Variants in VPS37A observed in about 807,000 individuals in gnomAD.
VPS37A encodes the protein vacuolar protein sorting-associated protein 37A.
In VPS37A, 30 loss-of-function variants were observed where a neutral mutation model predicts 49.8. The observed-to-expected ratio is 0.60, with a 90% CI of 0.45 to 0.82. The LOEUF (loss-of-function observed/expected upper bound fraction) is 0.82, where lower values mean the gene tolerates loss of function less well. Among genes scored for constraint, VPS37A ranks in the 40% least tolerant of loss-of-function variants. The pLI, the probability that VPS37A is intolerant of heterozygous loss-of-function variation, is 0.00. For missense variants in VPS37A, 593 were observed against 464.4 expected, an observed-to-expected ratio of 1.28 and a Z score of -2.55; for synonymous variants, 195 against 160.6, an observed-to-expected ratio of 1.21 and a Z score of -1.62.
chr8:17,257,363 A>T (rs1468265470), intron 1 of VPS37A, among the ~76,000 whole-genome samples: 6 of 152,156 alleles, frequency 3.9e-5, no homozygotes, highest in African/African-American at 4.8e-5. Context: ...GATGCCTCCA[A>T]CCTTGTTCTT....
chr8:17,279,949 C>A, intron 6 of VPS37A, 79 bp from the exon 7 acceptor site: 1 of 1,586,808 alleles, frequency 6.3e-7, no homozygotes. Context: ...TTAACTAAAG[C>A]TGAAAAATTG....
chr8:17,306,963 C>G (rs995782731), downstream of VPS37A, among the ~76,000 whole-genome samples: 1 of 152,144 alleles, frequency 6.6e-6, no homozygotes, highest in Non-Finnish European at 1.5e-5. Context: ...CAATACCATT[C>G]AGGACATAGG....
the VPS37A span, among the ~76,000 whole-genome samples, chr8:17,313,817 T>G: frequency 1.3e-5 from 2 of 152,220 alleles, no homozygotes. Flanking sequence ...CTTAGAAGTT[T>G]CTGTCACCCA....
intron 1 of VPS37A, chr8:17,265,705 T>G: frequency 1.4e-6 from 2 of 1,415,572 alleles, no homozygotes; most frequent in Non-Finnish European, 9.6e-7. Flanking sequence ...CCTGGATAGT[T>G]TAGAATGTTA....
intron 11 of VPS37A, among the ~76,000 whole-genome samples, chr8:17,289,569 T>C (rs1815945939): frequency 6.6e-6 from 1 of 152,198 alleles, no homozygotes; most frequent in Admixed American, 6.5e-5. Context: ...ATGTCTGTTT[T>C]GGTACCAGTA....
At chr8:17,294,193 T>C (rs1480584689) in intron 11 of VPS37A, among the ~76,000 whole-genome samples, 1 of 152,180 alleles carries the variant, frequency 6.6e-6, no homozygotes, top group Non-Finnish European at 1.5e-5. Context: ...TACAGTGGCT[T>C]TGTGGAGCTG....
At chr8:17,302,018 G>T, downstream of VPS37A, 1 of 1,120,296 alleles carries the variant, frequency 8.9e-7, no homozygotes, top group East Asian at 2.4e-5. Flanking sequence ...GACCTGGATG[G>T]GGTTGTGTTT....
intron 1 of VPS37A, among the ~76,000 whole-genome samples, chr8:17,264,435 A>C (rs759690839): frequency 3.3e-5 from 5 of 152,228 alleles, no homozygotes; most frequent in African/African-American, 4.8e-5. Flanking sequence ...AACTTCCAGA[A>C]AAACTGTTCA....
downstream of VPS37A, among the ~76,000 whole-genome samples, chr8:17,301,158 G>A (rs1011559608): frequency 3.3e-5 from 5 of 152,348 alleles, no homozygotes; most frequent in East Asian, 7.7e-4. Context: ...AAAGCACTGT[G>A]CTGGGCAGTG....
chr8:17,274,317 T>A (rs886912390), intron 4 of VPS37A, among the ~76,000 whole-genome samples: 6 of 152,262 alleles, frequency 3.9e-5, no homozygotes, highest in Non-Finnish European at 8.8e-5. Flanking sequence ...TCAGTCAGAT[T>A]TTGACAAATA....
At chr8:17,252,162 C>A (rs1246163218) in intron 1 of VPS37A, among the ~76,000 whole-genome samples, 1 of 151,992 alleles carries the variant, frequency 6.6e-6, no homozygotes, top group African/African-American at 2.4e-5. Context: ...TTAAAATTTC[C>A]AGGTTTCCTT....
chr8:17,294,658 T>C (rs371831550), intron 11 of VPS37A, among the ~76,000 whole-genome samples: 9 of 152,308 alleles, frequency 5.9e-5, no homozygotes, highest in African/African-American at 2.2e-4. Context: ...GCACAGTCCC[T>C]CAAGGCTTCC....
intron 1 of VPS37A, chr8:17,247,764 C>A: frequency 1.4e-6 from 1 of 702,570 alleles, no homozygotes; most frequent in East Asian, 2.7e-5. Flanking sequence ...AGAGTAATCT[C>A]CAGGTTTCAC....
At chr8:17,332,774 C>A in the VPS37A span, among the ~76,000 whole-genome samples, 34 of 152,280 alleles carry the variant, frequency 2.2e-4, no homozygotes, top group East Asian at 2.7e-3. Flanking sequence ...GAGTAAGCTA[C>A]AGAATAATAT....
downstream of VPS37A, chr8:17,302,500 G>C (rs1817183323): frequency 2.1e-6 from 1 of 468,856 alleles, no homozygotes; most frequent in Admixed American, 3.9e-5. Flanking sequence ...TGAAAAGTCT[G>C]CCTGTATATA....
At chr8:17,283,658 ATATGTGTGAGGGTT>A (rs1815314366) in intron 9 of VPS37A, among the ~76,000 whole-genome samples, 4 of 151,978 alleles carry the variant, frequency 2.6e-5, no homozygotes, top group Admixed American at 1.3e-4. Context: ...TCATTTGGCC[ATATGTGTGAGGGTT>A]TATTTCTGGG....
At position 17,247,153 on chromosome 8, in the gene VPS37A, C is replaced by A; in HGVS notation, c.-92C>A. ...CGCTTGGGCCACGGACGTCCCACCC[C>A]GCTCCTCTGTCGCTGGAGAACCGCC... is the stretch of plus-strand genomic sequence containing the variant. On this transcript the variant is annotated 5_prime_UTR_variant, in exon 1 of 12. Transcript: ENST00000324849. 6.6e-7 allele frequency: 1 copy of A among 1,525,510 alleles called. No homozygotes were observed. The highest frequency in any genetic ancestry group is 8.8e-7 in the Non-Finnish European group (1 of 1,131,066). The allele number at this position is 1,525,510 out of a possible 1,614,324, so 94.5% of individuals were successfully genotyped here.
At chr8:17,299,849 C>G (rs1337094310), downstream of VPS37A, 6 of 1,613,104 alleles carry the variant, frequency 3.7e-6, no homozygotes, top group Non-Finnish European at 5.1e-6. Context: ...CTTTGGAACT[C>G]CAAAGGGAAA....
intron 6 of VPS37A, among the ~76,000 whole-genome samples, chr8:17,277,463 T>C (rs1472813950): frequency 6.6e-6 from 1 of 152,090 alleles, no homozygotes; most frequent in Non-Finnish European, 1.5e-5. Context: ...GTATCCATCA[T>C]GTGGCAACAA....
Sources: gnomAD v4.1 joint callset for allele counts (sites outside exome capture counted in the v4.1 genomes callset) on GRCh38, gnomAD v4.1.1 for gene constraint, MANE v1.5 for transcripts, NCBI Gene and HGNC (gene_info 2026-07-23, HGNC 2026-07-21) for gene names.